The following FBXL17 variants were observed in gnomAD, a reference collection of about 807,000 sequenced individuals.
FBXL17 encodes the protein F-box and leucine rich repeat protein 17.
FBXL17 carries 22 observed loss-of-function variants against 66.2 expected under a neutral mutation model. The ratio of observed to expected loss-of-function variants is 0.33; its 90% CI spans 0.24 to 0.47. The LOEUF (loss-of-function observed/expected upper bound fraction) is 0.47, where lower values mean the gene tolerates loss of function less well. Ranked by LOEUF, FBXL17 falls within the 20% of genes least tolerant of loss-of-function variation. FBXL17 has a pLI of 1.00. For missense variants in FBXL17, 878 were observed against 948.2 expected (o/e 0.93, Z 0.97); for synonymous variants, 474 against 400.5 (o/e 1.18, Z -2.19).
intron 4 of FBXL17, among the ~76,000 whole-genome samples, chr5:108,267,969 T>C (rs1431848546): frequency 6.6e-6 from 1 of 152,104 alleles, no homozygotes; most frequent in East Asian, 1.9e-4. Context: ...ACAGGGATGA[T>C]GTAAAATGCA....
chr5:108,147,308 C>G (rs1164943943), intron 6 of FBXL17, among the ~76,000 whole-genome samples: 1 of 152,206 alleles, frequency 6.6e-6, no homozygotes, highest in African/African-American at 2.4e-5. Context: ...TATCTCCTCT[C>G]TCCCCACTCT....
intron 6 of FBXL17, among the ~76,000 whole-genome samples, chr5:108,170,603 A>C (rs978210548): frequency 6.6e-6 from 1 of 152,086 alleles, no homozygotes; most frequent in African/African-American, 2.4e-5. Context: ...GTGCCATCTC[A>C]GATCACTGCA....
intron 6 of FBXL17, among the ~76,000 whole-genome samples, chr5:108,066,078 G>A (rs895621892): frequency 6.6e-6 from 1 of 152,090 alleles, no homozygotes; most frequent in Non-Finnish European, 1.5e-5. Context: ...CAAAAGCTAA[G>A]AAGAAGAAGG....
intron 5 of FBXL17, among the ~76,000 whole-genome samples, chr5:108,198,098 A>G (rs558465425): frequency 3.0e-4 from 45 of 152,218 alleles, no homozygotes; most frequent in African/African-American, 1.1e-3. Context: ...GGATTCTCTA[A>G]TATGTGGAGA....
intron 7 of FBXL17, among the ~76,000 whole-genome samples, chr5:107,973,446 T>A (rs1162540102): frequency 6.6e-6 from 1 of 150,940 alleles, no homozygotes; most frequent in African/African-American, 2.4e-5. Flanking sequence ...TCTTCCATTG[T>A]GGTCTGGGGA....
intron 5 of FBXL17, among the ~76,000 whole-genome samples, chr5:108,191,137 A>G (rs1422148): frequency 0.042 from 6,404 of 152,350 alleles, 777 homozygotes; most frequent in East Asian, 0.39. Context: ...GAACCATGCA[A>G]AATACACATA....
intron 7 of FBXL17, among the ~76,000 whole-genome samples, chr5:107,925,145 C>G (rs1289812216): frequency 2.0e-5 from 3 of 152,202 alleles, no homozygotes; most frequent in Middle Eastern, 3.4e-3. Flanking sequence ...TAGTGGTGGC[C>G]ATTCTGAAAT....
At chr5:108,154,368 C>T (rs552352519) in intron 6 of FBXL17, among the ~76,000 whole-genome samples, 18 of 148,930 alleles carry the variant, frequency 1.2e-4, no homozygotes, top group South Asian at 4.3e-4. Flanking sequence ...CCGAGGCAGG[C>T]GGATCACCTG....
rs74187498 is a variant in FBXL17 at position 108,029,525 on chromosome 5, C to T, written c.1746-8524G>A. ...TATAATTGCACATTAATGTTCACAT[C>T]AGAGGCAAATCATCTTTGCTGTAAC... is the stretch of plus-strand genomic sequence containing the variant. On this transcript the variant is annotated intron_variant, in intron 6 of 8. Coordinates refer to ENST00000542267, the MANE Select transcript of FBXL17 (RefSeq NM_001163315.3). Among the ~76,000 whole-genome samples, 63 of 152,208 alleles carry T rather than the reference C, an allele frequency of 4.1e-4. 1 individual carries two copies. In the East Asian group the frequency reaches 0.012, roughly 29 times the overall value.
intron 7 of FBXL17, among the ~76,000 whole-genome samples, chr5:107,940,349 A>T (rs1048399319): frequency 1.3e-5 from 2 of 152,132 alleles, no homozygotes; most frequent in South Asian, 4.1e-4. Flanking sequence ...ACTACCACAT[A>T]AACTCAGTTT....
At chr5:107,973,484 A>T (rs1752460068) in intron 7 of FBXL17, among the ~76,000 whole-genome samples, 1 of 148,512 alleles carries the variant, frequency 6.7e-6, no homozygotes, top group African/African-American at 2.5e-5. Flanking sequence ...CCCCATTTTT[A>T]GAGTGTGCAC....
chr5:107,909,016 T>A lies in FBXL17; in HGVS notation c.1823-27837A>T, dbSNP rs148930816. 2.0e-3 allele frequency among the ~76,000 whole-genome samples: 312 copies of A among 152,272 alleles called. 1 individual carries two copies. Among genetic ancestry groups the A allele is most frequent in the African/African-American group, 7.2e-3 (301 of 41,560 alleles). ...GATAGATTGTGCCCCATCTTAACTA[T>A]GATTAACTGAACCTGTGATAGTCTC... On this transcript the variant is annotated intron_variant, in intron 7 of 8. Transcript: ENST00000542267.
At position 107,972,679 on chromosome 5, in the gene FBXL17, G is replaced by A. The variant is rs150394693; in HGVS notation, c.1822+48246C>T. 2.6e-5 allele frequency among the ~76,000 whole-genome samples: 4 copies of A among 152,140 alleles called. No individual in the cohort carries two copies. In the East Asian group the frequency reaches 7.8e-4, roughly 30 times the overall value. ...CTTATGATAAGTATACTATAAGACA[G>A]TTATTAAGTCACCGCTTAGCTTTCT... On this transcript the variant is annotated intron_variant, in intron 7 of 8. Coordinates refer to ENST00000542267, the MANE Select transcript of FBXL17 (RefSeq NM_001163315.3).
At chr5:108,202,128 T>C (rs1753922381) in intron 5 of FBXL17, among the ~76,000 whole-genome samples, 1 of 152,186 alleles carries the variant, frequency 6.6e-6, no homozygotes, top group Non-Finnish European at 1.5e-5. Context: ...TTTATATTTA[T>C]ATGTTTATGT....
chr5:107,930,058 CT>C (rs1420573875), intron 7 of FBXL17, among the ~76,000 whole-genome samples: 1 of 152,142 alleles, frequency 6.6e-6, no homozygotes. Context: ...CCTACCTGGT[CT>C]TTTTCCTATC....
chr5:108,107,245 T>C (rs771878391), intron 6 of FBXL17, among the ~76,000 whole-genome samples: 2 of 152,136 alleles, frequency 1.3e-5, no homozygotes, highest in Non-Finnish European at 2.9e-5. Context: ...CTAAGTTTTG[T>C]ATTTTTAGTA....
chr5:108,092,403 A>G (rs1293333252), intron 6 of FBXL17, among the ~76,000 whole-genome samples: 1 of 152,142 alleles, frequency 6.6e-6, no homozygotes, highest in Non-Finnish European at 1.5e-5. Context: ...TCCTGGGCTC[A>G]GATGATTCTC....
At chr5:108,287,103 C>A (rs1424156848) in intron 4 of FBXL17, among the ~76,000 whole-genome samples, 1 of 151,906 alleles carries the variant, frequency 6.6e-6, no homozygotes, top group Admixed American at 6.6e-5. Context: ...CTTCCTTACA[C>A]CATCTATAAA....
chr5:108,381,706 G>C lies in FBXL17; in HGVS notation c.-15C>G. On this transcript the variant is annotated 5_prime_UTR_variant, in exon 1 of 9. Transcript: ENST00000542267. Reference sequence around the variant, plus strand: ...AGGTGGCCCATATAGAAGGCCCCGAGGAGGGGGACCGGGACGGGAGGGAGG... The same window carrying C: ...AGGTGGCCCATATAGAAGGCCCCGACGAGGGGGACCGGGACGGGAGGGAGG... 6.9e-7 allele frequency: 1 copy of C among 1,444,772 alleles called. No individual in the cohort carries two copies. The highest frequency in any genetic ancestry group is 9.1e-7 in the Non-Finnish European group (1 of 1,104,648). 89.5% of individuals were successfully genotyped at this position (1,444,772 alleles called of 1,614,324 possible). A position where few individuals can be genotyped will look rare whatever the true frequency, so the allele number is the denominator to read the frequency against.
Sources: allele counts gnomAD v4.1 joint callset (sites outside exome capture counted in the v4.1 genomes callset), GRCh38; gene constraint gnomAD v4.1.1; transcripts MANE v1.5; gene names NCBI Gene and HGNC (gene_info 2026-07-23, HGNC 2026-07-21).